The following H2BC18 variants were observed in gnomAD, a reference collection of about 807,000 sequenced individuals.
H2BC18 encodes histone H2B type 2-F.
Under a neutral mutation model 6.3 loss-of-function variants are expected in H2BC18, and 8 were observed. The ratio of observed to expected loss-of-function variants is 1.28; its 90% confidence interval spans 0.75 to 2.31. The LOEUF is 2.31. Among genes scored for constraint, H2BC18 ranks in the 30% most tolerant of loss-of-function variants. H2BC18 has a pLI of 0.00. For missense variants in H2BC18, 106 were observed against 174.5 expected (o/e 0.61, Z 2.21); for synonymous variants, 104 against 78.1 (o/e 1.33, Z -1.75).
downstream of H2BC18, among the ~76,000 whole-genome samples, chr1:149,807,018 G>A (rs1435246783): frequency 6.6e-6 from 1 of 152,022 alleles, no homozygotes; most frequent in Non-Finnish European, 1.5e-5. Flanking sequence ...GGGAAATATA[G>A]GAAGGAGAGA....
intron 1 of H2BC18, chr1:149,787,091 A>G (rs1430919524): frequency 3.9e-5 from 6 of 152,250 alleles, no homozygotes; most frequent in African/African-American, 1.4e-4. Flanking sequence ...TTTTGGATAT[A>G]TAAAGCAAAG....
chr1:149,793,981 T>C, intron 1 of H2BC18: 1 of 1,005,828 alleles, frequency 9.9e-7, no homozygotes, highest in Non-Finnish European at 1.4e-6. Flanking sequence ...TGCCCAGCGA[T>C]TCCAGCCCTG....
intron 1 of H2BC18, among the ~76,000 whole-genome samples, chr1:149,785,407 CGTTTTTTTTTTTTTT>C (rs2091516506): frequency 1.3e-5 from 1 of 74,544 alleles, no homozygotes; most frequent in African/African-American, 4.6e-5. Flanking sequence ...AGAGCTGTTT[CGTTTTTTTTTTTTTT>C]TTTTTTTTTT....
At chr1:149,786,309 A>G (rs2091548944) in intron 1 of H2BC18, 1 of 151,986 alleles carries the variant, frequency 6.6e-6, no homozygotes, top group East Asian at 1.9e-4. Flanking sequence ...GACTTACAGG[A>G]GTTATTTATA....
intron 1 of H2BC18, among the ~76,000 whole-genome samples, chr1:149,789,325 G>A (rs1202485720): frequency 7.9e-5 from 12 of 152,146 alleles, no homozygotes; most frequent in African/African-American, 2.7e-4. Context: ...CCCGGGAAGC[G>A]GAGCTTGCAG....
intron 1 of H2BC18, among the ~76,000 whole-genome samples, chr1:149,798,536 G>A (rs1340978156): frequency 1.3e-5 from 2 of 151,174 alleles, no homozygotes; most frequent in African/African-American, 4.9e-5. Flanking sequence ...ACAATTCATG[G>A]TCATTCCTTA....
Position 149,792,588 on chromosome 1 carries a change from G to C in H2BC18, c.378-9328C>G, listed in dbSNP as rs1404751424. 6 of 1,200,604 alleles carry C rather than the reference G, an allele frequency of 5.0e-6. 1 individual carries two copies. Among genetic ancestry groups the C allele is most frequent in the Non-Finnish European group, 4.2e-6 (4 of 949,042 alleles). The allele number at this position is 1,200,604 out of a possible 1,614,324, so 74.4% of individuals were successfully genotyped here. ...TGGGATGGGGCGTCGCGCTCCGAGC[G>C]TGTCCCGCGGCGGGCCCCTGGCGCC... On this transcript the variant is annotated intron_variant, in intron 1 of 1. Coordinates refer to the H2BC18 transcript ENST00000545683.
chr1:149,808,154 C>A (rs187656069), downstream of H2BC18, among the ~76,000 whole-genome samples: 50 of 152,152 alleles, frequency 3.3e-4, no homozygotes, highest in African/African-American at 1.2e-3. Context: ...TCCATCTACC[C>A]AAATCAGACA....
intron 1 of H2BC18, among the ~76,000 whole-genome samples, chr1:149,799,329 G>A (rs2091835397): frequency 6.6e-6 from 1 of 152,072 alleles, no homozygotes; most frequent in Non-Finnish European, 1.5e-5. Flanking sequence ...TTCTTCATAA[G>A]CATTTTCCCT....
chr1:149,782,868 C>T (rs1553750384), exon 2 of H2BC18: 3 of 1,568,460 alleles, frequency 1.9e-6, no homozygotes, highest in Non-Finnish European at 1.7e-6. Context: ...CTGGGTAGAA[C>T]TCATGAGTAT....
chr1:149,793,524 T>C (rs1426125753), intron 1 of H2BC18, among the ~76,000 whole-genome samples: 1 of 152,072 alleles, frequency 6.6e-6, no homozygotes, highest in Non-Finnish European at 1.5e-5. Context: ...CTGATGCAGC[T>C]GGCGGGGAGA....
At chr1:149,799,488 T>C (rs1453053456) in intron 1 of H2BC18, among the ~76,000 whole-genome samples, 4 of 151,708 alleles carry the variant, frequency 2.6e-5, no homozygotes, top group Admixed American at 6.6e-5. Flanking sequence ...ATATCCTCCT[T>C]TTATTCCTTT....
downstream of H2BC18, among the ~76,000 whole-genome samples, chr1:149,808,003 A>T (rs1386686018): frequency 2.0e-5 from 3 of 152,140 alleles, no homozygotes; most frequent in Non-Finnish European, 4.4e-5. Flanking sequence ...TCAATATAAT[A>T]ATATTAAAAA....
At chr1:149,797,338 A>C (rs2091811302) in intron 1 of H2BC18, among the ~76,000 whole-genome samples, 1 of 152,088 alleles carries the variant, frequency 6.6e-6, no homozygotes, top group South Asian at 2.1e-4. Flanking sequence ...TGTATGGAAA[A>C]GTCAACATTT....
chr1:149,794,278 A>T (rs1310161742), intron 1 of H2BC18, among the ~76,000 whole-genome samples: 5 of 151,626 alleles, frequency 3.3e-5, no homozygotes, highest in Non-Finnish European at 5.9e-5. Flanking sequence ...AGGGGGGGGA[A>T]CACGTAGATT....
chr1:149,785,377 G>C (rs1364389526), intron 1 of H2BC18, among the ~76,000 whole-genome samples: 1 of 147,996 alleles, frequency 6.8e-6, no homozygotes, highest in Non-Finnish European at 1.5e-5. Flanking sequence ...TCTTAGGATG[G>C]AGAGGTTAGG....
chr1:149,784,729 T>C (rs1383447122), intron 1 of H2BC18, among the ~76,000 whole-genome samples: 1 of 149,268 alleles, frequency 6.7e-6, no homozygotes, highest in Non-Finnish European at 1.5e-5. Context: ...TACACACATA[T>C]ATATAGTTTT....
chr1:149,812,283 C>G lies in H2BC18; in HGVS notation c.41G>C (p.Gly14Ala). The change falls in exon 1 of 1, where the codon GGC becomes GCC. Residue 14 changes from glycine to alanine, a missense_variant. By Grantham distance (60) the Gly-to-Ala change is moderately conservative (BLOSUM62 0). This residue lies in a region of H2BC18 where 70 missense variants were observed against 64.6 expected (regional missense o/e 1.08). Transcript: ENST00000369167. Reference protein sequence around the residue: ...PAKSAPAPKKGSKKAVTKVQK... With the variant: ...PAKSAPAPKKASKKAVTKVQK... ...CACTTTCGTAACAGCCTTTTTGGAGCCCTTCTTGGGAGCAGGAGCGGATTT... is the reference window on the plus strand; with the variant it reads ...CACTTTCGTAACAGCCTTTTTGGAGGCCTTCTTGGGAGCAGGAGCGGATTT... 3 of 1,614,206 alleles carry G rather than the reference C, an allele frequency of 1.9e-6. No homozygotes were observed. The South Asian group carries it at 3.3e-5, about 18-fold the overall frequency.
At chr1:149,786,737 A>G (rs1553750880) in intron 1 of H2BC18, 2 of 152,230 alleles carry the variant, frequency 1.3e-5, no homozygotes, top group African/African-American at 4.8e-5. Context: ...TTACCATTTA[A>G]GTTTAAAAAC....
Sources: allele counts gnomAD v4.1 joint callset (sites outside exome capture counted in the v4.1 genomes callset), GRCh38; gene constraint gnomAD v4.1.1; regional missense constraint gnomAD v4.1.1; transcripts MANE v1.5; gene names NCBI Gene and HGNC (gene_info 2026-07-23, HGNC 2026-07-21).